The following COL19A1 variants were observed in gnomAD, a reference collection of about 807,000 sequenced individuals.
COL19A1 encodes the protein collagen type XIX alpha 1 chain.
In COL19A1, 159 loss-of-function variants were observed where a neutral mutation model predicts 190.2. That is an observed-to-expected ratio of 0.84 (90% CI 0.73 to 0.95). The LOEUF is 0.95. Ranked by LOEUF, COL19A1 falls within the 40% of genes least tolerant of loss-of-function variation. The pLI is 0.00. For synonymous variants in COL19A1, 509 were observed against 458.9 expected (o/e 1.11, Z -1.39); for missense variants, 1,418 against 1,431.9 (o/e 0.99, Z 0.16).
At chr6:69,923,034 T>C (rs918842533) in intron 4 of COL19A1, among the ~76,000 whole-genome samples, 2 of 152,190 alleles carry the variant, frequency 1.3e-5, no homozygotes, top group Non-Finnish European at 2.9e-5. Context: ...AAAATGTTTT[T>C]ATTATCTTTT....
chr6:69,943,755 G>A (rs1292462779), intron 9 of COL19A1, among the ~76,000 whole-genome samples: 7 of 152,132 alleles, frequency 4.6e-5, no homozygotes, highest in Admixed American at 4.6e-4. Context: ...CCATTGGTCT[G>A]TGTGACTGTT....
At chr6:69,944,495 A>G (rs1773668254) in intron 9 of COL19A1, among the ~76,000 whole-genome samples, 1 of 152,186 alleles carries the variant, frequency 6.6e-6, no homozygotes, top group South Asian at 2.1e-4. Flanking sequence ...TCAATTTGCA[A>G]GGAAAGAATT....
At chr6:70,066,054 A>T (rs1781173458) in intron 14 of COL19A1, among the ~76,000 whole-genome samples, 3 of 152,192 alleles carry the variant, frequency 2.0e-5, no homozygotes. Context: ...TTCCTCAGGG[A>T]TCTAGAACTA....
chr6:70,205,060 C>T (rs1767776363), intron 49 of COL19A1, among the ~76,000 whole-genome samples: 1 of 152,118 alleles, frequency 6.6e-6, no homozygotes, highest in East Asian at 1.9e-4. Context: ...CATGTCAAAG[C>T]CACTGTTCTC....
chr6:70,016,361 T>G (rs1582685745), intron 11 of COL19A1, among the ~76,000 whole-genome samples: 1 of 57,460 alleles, frequency 1.7e-5, no homozygotes, highest in African/African-American at 9.5e-5. Context: ...AAACTTAGAG[T>G]ATAATAAAAA....
At chr6:70,005,401 T>C (rs1369152769) in intron 11 of COL19A1, among the ~76,000 whole-genome samples, 1 of 152,158 alleles carries the variant, frequency 6.6e-6, no homozygotes, top group Non-Finnish European at 1.5e-5. Flanking sequence ...CTTTCAATGG[T>C]CAGGTACCTC....
chr6:69,936,427 CA>C (rs1773115343), intron 7 of COL19A1, among the ~76,000 whole-genome samples: 1 of 151,884 alleles, frequency 6.6e-6, no homozygotes, highest in African/African-American at 2.4e-5. Context: ...TTTTTGTTCC[CA>C]AAAGATGTAT....
At chr6:69,915,997 C>A (rs6929367) in intron 4 of COL19A1, among the ~76,000 whole-genome samples, 1 of 144,244 alleles carries the variant, frequency 6.9e-6, no homozygotes, top group Non-Finnish European at 1.5e-5. Flanking sequence ...AGTGCAGTGG[C>A]GCGATCTCAG....
chr6:70,144,982 C>G lies in COL19A1; in HGVS notation c.1745C>G (p.Pro582Arg). The G allele has an allele frequency of 6.3e-7, 1 of 1,592,374 alleles. No homozygotes were observed. The highest frequency in any genetic ancestry group is 1.1e-5 in the South Asian group (1 of 87,864). Residue 582 changes from proline (P) to arginine (R), a missense_variant, in exon 25 of 51, where the codon CCA (proline) becomes CGA (arginine). Coordinates refer to ENST00000620364, the MANE Select transcript of COL19A1 (RefSeq NM_001858.6). ...LPGPKGEAGP[P>R]GKSLPGEPGL... ...GGTCCAAAAGGTGAGGCTGGTCCTC[C>G]AGGGAAAAGCCTGCCAGGGGAACCA...
chr6:70,187,359 A>G (rs1158430018), intron 46 of COL19A1, among the ~76,000 whole-genome samples: 1 of 132,468 alleles, frequency 7.5e-6, no homozygotes, highest in Non-Finnish European at 1.7e-5. Flanking sequence ...CGTGTAAAGC[A>G]CAAATACAGA....
At chr6:70,045,173 C>G (rs1005359175) in intron 14 of COL19A1, among the ~76,000 whole-genome samples, 5 of 151,836 alleles carry the variant, frequency 3.3e-5, no homozygotes, top group Non-Finnish European at 7.4e-5. Flanking sequence ...ATTAGCCAGG[C>G]ATGGTGGTGC....
At chr6:70,001,939 G>A (rs189189669) in intron 11 of COL19A1, among the ~76,000 whole-genome samples, 1 of 152,128 alleles carries the variant, frequency 6.6e-6, no homozygotes, top group Non-Finnish European at 1.5e-5. Flanking sequence ...TCTGTGTCTT[G>A]TGCCTGTTTT....
At chr6:69,952,434 A>G (rs1453108355) in intron 9 of COL19A1, among the ~76,000 whole-genome samples, 1 of 151,834 alleles carries the variant, frequency 6.6e-6, no homozygotes, top group Non-Finnish European at 1.5e-5. Flanking sequence ...AAATATATAT[A>G]ATTTATTTAT....
chr6:69,886,371 A>C (rs770568563), intron 2 of COL19A1, among the ~76,000 whole-genome samples: 8 of 152,334 alleles, frequency 5.3e-5, no homozygotes, highest in Middle Eastern at 3.4e-3. Context: ...ACTCTAGCAC[A>C]CTGTTGGTGG....
chr6:69,969,032 T>C (rs967506291), intron 11 of COL19A1, among the ~76,000 whole-genome samples: 8 of 152,222 alleles, frequency 5.3e-5, no homozygotes, highest in Admixed American at 2.6e-4. Context: ...GATATGTTCC[T>C]AGCTTTCTTT....
At chr6:70,118,341 C>T (rs929009081) in intron 16 of COL19A1, among the ~76,000 whole-genome samples, 1 of 152,160 alleles carries the variant, frequency 6.6e-6, no homozygotes, top group South Asian at 2.1e-4. Flanking sequence ...TATTAATGAC[C>T]ACTATCTTTG....
In COL19A1 at chr6:70,206,869, G is replaced by C. The variant is rs750774927; in HGVS notation, c.3224-32G>C. 6.5e-5 allele frequency: 104 copies of C among 1,591,634 alleles called. 1 individual carries two copies. In the South Asian group the frequency reaches 1.0e-3, roughly 16 times the overall value. ...GCTGTGTTGCCATAGAACCCTTTTTGTGTGTCTCTTTTTTATATATTTCTC... is the reference window on the plus strand; with the variant it reads ...GCTGTGTTGCCATAGAACCCTTTTTCTGTGTCTCTTTTTTATATATTTCTC... On this transcript the variant is annotated intron_variant, in intron 49 of 50. Transcript: ENST00000620364.
intron 11 of COL19A1, among the ~76,000 whole-genome samples, chr6:70,018,717 T>G (rs1778254633): frequency 2.0e-5 from 3 of 152,034 alleles, no homozygotes; most frequent in Non-Finnish European, 4.4e-5. Flanking sequence ...GAAAGATAAT[T>G]AAAGGGTGCA....
chr6:69,879,110 T>G (rs971121251), intron 1 of COL19A1, among the ~76,000 whole-genome samples: 1 of 152,208 alleles, frequency 6.6e-6, no homozygotes. Context: ...AAAAAAGTTC[T>G]GCAGATGGCG....
Sources: allele counts gnomAD v4.1 joint callset (sites outside exome capture counted in the v4.1 genomes callset), GRCh38; gene constraint gnomAD v4.1.1; transcripts MANE v1.5; gene names NCBI Gene and HGNC (gene_info 2026-07-23, HGNC 2026-07-21).